Variants in SPRY3 observed in about 807,000 individuals in gnomAD.
The protein encoded by SPRY3 is sprouty RTK signaling antagonist 3.
A neutral mutation model predicts 20.2 loss-of-function variants in SPRY3; 15 were observed. The observed-to-expected ratio is 0.74, with a 90% CI of 0.50 to 1.14. The LOEUF (loss-of-function observed/expected upper bound fraction) is 1.14, where lower values mean the gene tolerates loss of function less well. Among genes scored for constraint, SPRY3 ranks in the 50% most tolerant of loss-of-function variants. The pLI is 0.00. For synonymous variants in SPRY3, 143 were observed against 136.5 expected (o/e 1.05, Z -0.33); for missense variants, 364 against 363.9 (o/e 1.00, Z 0.00).
In SPRY3 at chrX:155,616,848, GTTATT is replaced by G. The variant is rs782434839; in HGVS notation, c.-441+4207_-441+4211del. Among the ~76,000 whole-genome samples the G allele has an allele frequency of 1.6e-4, 18 of 110,805 alleles. No homozygotes were observed. In the East Asian group the frequency reaches 5.1e-3, roughly 31 times the overall value. On this transcript the variant is annotated intron_variant, in intron 1 of 3. Coordinates refer to ENST00000675360, the Ensembl canonical transcript of SPRY3. ...AGTTCAGGGCAAACTAGGATGCTTA[GTTATT>G]TTATTAGTACCCATGTTAATAGGGG...
chrX:155,675,713 T>A (rs782036313), intron 2 of SPRY3, among the ~76,000 whole-genome samples: 16 of 111,726 alleles, frequency 1.4e-4, no homozygotes, highest in Non-Finnish European at 2.8e-4. Flanking sequence ...TTTTGTTAAT[T>A]GAACTTAGTG....
intron 1 of SPRY3, among the ~76,000 whole-genome samples, chrX:155,635,060 C>T (rs1374121574): frequency 9.2e-6 from 1 of 109,016 alleles, no homozygotes; most frequent in African/African-American, 3.3e-5. Flanking sequence ...CCAACAGGCC[C>T]CAGCGTGTGA....
chrX:155,710,797 C>T (rs1031115670), intron 2 of SPRY3, among the ~76,000 whole-genome samples: 5 of 151,650 alleles, frequency 3.3e-5, no homozygotes, highest in Admixed American at 6.6e-5. Flanking sequence ...AGCTGTGGGT[C>T]TGTCATCTAT....
At chrX:155,676,669 T>C (rs957610733) in intron 2 of SPRY3, among the ~76,000 whole-genome samples, 8 of 112,360 alleles carry the variant, frequency 7.1e-5, no homozygotes, top group Non-Finnish European at 1.1e-4. Context: ...ATGTATTTCC[T>C]CACAATTCTG....
chrX:155,761,592 G>A (rs2091304338), intron 2 of SPRY3, among the ~76,000 whole-genome samples: 1 of 152,042 alleles, frequency 6.6e-6, no homozygotes, highest in African/African-American at 2.4e-5. Flanking sequence ...TGGGTCGAAT[G>A]GTAGTTCTAT....
intron 2 of SPRY3, among the ~76,000 whole-genome samples, chrX:155,667,908 A>T: frequency 9.0e-6 from 1 of 111,535 alleles, no homozygotes; most frequent in Middle Eastern, 4.6e-3. Flanking sequence ...TAAATCCACA[A>T]TGTGCCCACT....
chrX:155,774,850 C>G lies in SPRY3; in HGVS notation c.*112C>G, dbSNP rs145435413. The G allele has an allele frequency of 8.7e-3, 11,038 of 1,261,792 alleles. 1,074 individuals carry two copies. In the East Asian group the frequency reaches 0.22, roughly 25 times the overall value. 78.2% of individuals were successfully genotyped at this position (1,261,792 alleles called of 1,614,324 possible). ...GATAAACTAGCCAAAGTTAGGGCCT[C>G]TCTTTTGTTCCTGCAGTGTCAGGGG... On this transcript the variant is annotated 3_prime_UTR_variant, in exon 4 of 4. Transcript: ENST00000675360.
exon 4 of SPRY3, chrX:155,775,520 TG>T (rs1458313681): frequency 6.0e-6 from 1 of 167,150 alleles, no homozygotes; most frequent in African/African-American, 2.4e-5. Context: ...AATGGATTAC[TG>T]TAATGAACTG....
intron 2 of SPRY3, among the ~76,000 whole-genome samples, chrX:155,699,783 A>G (rs781066272): frequency 9.0e-6 from 1 of 110,505 alleles, no homozygotes; most frequent in East Asian, 2.9e-4. Context: ...ATCAGATCAT[A>G]TACCTAAGAT....
intron 2 of SPRY3, among the ~76,000 whole-genome samples, chrX:155,743,276 T>C (rs1362651507): frequency 2.6e-5 from 4 of 151,956 alleles, no homozygotes; most frequent in African/African-American, 9.7e-5. Flanking sequence ...GGAAGAAGCC[T>C]AACCAGTGTG....
At chrX:155,743,171 G>A (rs1329936924) in intron 2 of SPRY3, among the ~76,000 whole-genome samples, 5 of 151,948 alleles carry the variant, frequency 3.3e-5, no homozygotes, top group African/African-American at 1.2e-4. Flanking sequence ...AACAACCATC[G>A]GAAAATGCTA....
chrX:155,616,357 G>A (rs782182753), intron 1 of SPRY3, among the ~76,000 whole-genome samples: 6 of 110,159 alleles, frequency 5.4e-5, no homozygotes, highest in Non-Finnish European at 9.5e-5. Flanking sequence ...CAGATCTATC[G>A]TGGGTAATGG....
intron 2 of SPRY3, among the ~76,000 whole-genome samples, chrX:155,740,349 C>A (rs951508519): frequency 2.0e-5 from 3 of 152,000 alleles, no homozygotes; most frequent in Non-Finnish European, 4.4e-5. Flanking sequence ...TGACTGCCTG[C>A]GGGGTCAGGC....
At chrX:155,645,896 C>T (rs944804432) in intron 1 of SPRY3, among the ~76,000 whole-genome samples, 7 of 111,692 alleles carry the variant, frequency 6.3e-5, no homozygotes, top group African/African-American at 2.3e-4. Context: ...TTCTGTTTAG[C>T]CATCTTGTCC....
intron 3 of SPRY3, among the ~76,000 whole-genome samples, chrX:155,772,599 AC>A (rs1382649548): frequency 2.0e-5 from 3 of 149,276 alleles, no homozygotes; most frequent in Non-Finnish European, 4.5e-5. Flanking sequence ...CTTCATGTAC[AC>A]CTTTTTGACT....
intron 2 of SPRY3, among the ~76,000 whole-genome samples, chrX:155,658,282 T>C (rs781869739): frequency 8.9e-6 from 1 of 112,087 alleles, no homozygotes; most frequent in South Asian, 3.7e-4. Flanking sequence ...TTGGGCAGTA[T>C]AGTCATTTTA....
At chrX:155,713,382 T>G (rs2091000374) in intron 2 of SPRY3, among the ~76,000 whole-genome samples, 1 of 152,142 alleles carries the variant, frequency 6.6e-6, no homozygotes, top group Non-Finnish European at 1.5e-5. Context: ...TAGCATTTTT[T>G]GTAGGACAGG....
intron 2 of SPRY3, among the ~76,000 whole-genome samples, chrX:155,686,246 A>T (rs2068087590): frequency 9.0e-6 from 1 of 110,832 alleles, no homozygotes; most frequent in African/African-American, 3.3e-5. Context: ...TTGTCAGATA[A>T]TTATTGTTGG....
chrX:155,623,954 T>C (rs2067879290), intron 1 of SPRY3, among the ~76,000 whole-genome samples: 1 of 112,251 alleles, frequency 8.9e-6, no homozygotes, highest in African/African-American at 3.2e-5. Context: ...GACACATACC[T>C]TGCAGGATTA....
Sources: gnomAD v4.1 joint callset for allele counts (sites outside exome capture counted in the v4.1 genomes callset) on GRCh38, gnomAD v4.1.1 for gene constraint, MANE v1.5 for transcripts, NCBI Gene and HGNC (gene_info 2026-07-23, HGNC 2026-07-21) for gene names.